MRRF: variants seen among roughly 807,000 people sequenced by gnomAD.
The protein encoded by MRRF is mitochondrial ribosome recycling factor.
MRRF carries 18 observed loss-of-function variants against 25.1 expected under a neutral mutation model. The observed-to-expected ratio is 0.72, with a 90% confidence interval of 0.50 to 1.06. The LOEUF (loss-of-function observed/expected upper bound fraction) is 1.06. MRRF is among the 50% of genes least tolerant of loss of function. The pLI, the probability that MRRF is intolerant of heterozygous loss-of-function variation, is 0.00. For synonymous variants in MRRF, 113 were observed against 112.1 expected (o/e 1.01, Z -0.05); for missense variants, 323 against 319.3 (o/e 1.01, Z -0.09).
intron 5 of MRRF, among the ~76,000 whole-genome samples, chr9:122,299,567 C>T (rs1207780663): frequency 2.0e-5 from 3 of 151,822 alleles, no homozygotes; most frequent in Non-Finnish European, 4.4e-5. Flanking sequence ...TAAAGGAGGC[C>T]ACGAAATTAG....
At chr9:122,303,824 C>T (rs903182331) in intron 5 of MRRF, among the ~76,000 whole-genome samples, 2 of 152,164 alleles carry the variant, frequency 1.3e-5, no homozygotes, top group African/African-American at 2.4e-5. Context: ...TTCCAAAGCC[C>T]GGGCTCTTGC....
Position 122,277,327 on chromosome 9 carries a change from G to A in MRRF, c.185-3116G>A, listed in dbSNP as rs1236686112. On this transcript the variant is annotated intron_variant, in intron 2 of 6. Transcript: ENST00000344641. ...AAAATCTTTTTTGTTTGATGATAAT[G>A]TAGCTACACCAGCCTTCTTTTGACT... is the stretch of plus-strand genomic sequence containing the variant. 3.3e-5 allele frequency among the ~76,000 whole-genome samples: 5 copies of A among 152,070 alleles called. No individual in the cohort carries two copies. In the South Asian group the frequency reaches 6.2e-4, roughly 19 times the overall value.
Position 122,325,052 on chromosome 9 carries a change from T to C in MRRF, c.*2435T>C, listed in dbSNP as rs1229559511. On this transcript the variant is annotated 3_prime_UTR_variant, in exon 7 of 7. Transcript: ENST00000344641. ...TCACTGCAAATGTGCTTCTCAAAGA[T>C]GCAGGATTTTTTAATAAACAGAGGA... 2 of 152,224 alleles carry C rather than the reference T, an allele frequency of 1.3e-5. No homozygotes were observed. The highest frequency in any genetic ancestry group is 2.9e-5 in the Non-Finnish European group (2 of 68,036). The allele number at this position is 152,224 out of a possible 1,614,324, so 9.4% of individuals were successfully genotyped here.
At chr9:122,299,218 C>T (rs1834282011) in intron 5 of MRRF, among the ~76,000 whole-genome samples, 1 of 151,594 alleles carries the variant, frequency 6.6e-6, no homozygotes, top group Admixed American at 6.6e-5. Context: ...TGGTGAAACC[C>T]TGTCTCCACT....
intron 6 of MRRF, among the ~76,000 whole-genome samples, chr9:122,313,687 A>G (rs898373459): frequency 6.6e-6 from 1 of 152,182 alleles, no homozygotes; most frequent in Middle Eastern, 3.2e-3. Flanking sequence ...GGCAAGTTAA[A>G]TAACTTGCCC....
rs1338982038 is a variant in MRRF, at chr9:122,330,198, CA to C, written c.*7585del. 5 of 152,518 alleles carry C rather than the reference CA, an allele frequency of 3.3e-5. No individual in the cohort carries two copies. The East Asian group carries it at 9.6e-4, about 29-fold the overall frequency. 9.4% of individuals were successfully genotyped at this position (152,518 alleles called of 1,614,324 possible). ...CTACTGGGAGTGTTAGTGTCTGTGA[CA>C]AAAGTGCTGGTTGCTGGGCTGAGGG... On this transcript the variant is annotated 3_prime_UTR_variant, in exon 7 of 7. Transcript: ENST00000344641. The surrounding 1 kb of genome is among the most constrained non-coding windows in gnomAD (Gnocchi z 4.2).
chr9:122,293,141 G>A (rs935201524), intron 5 of MRRF, among the ~76,000 whole-genome samples: 2 of 152,074 alleles, frequency 1.3e-5, no homozygotes, highest in African/African-American at 4.8e-5. Context: ...GAGATTTGGG[G>A]CTTTTATTAT....
intron 6 of MRRF, among the ~76,000 whole-genome samples, chr9:122,316,656 G>A (rs1226525541): frequency 6.6e-6 from 1 of 152,096 alleles, no homozygotes; most frequent in East Asian, 1.9e-4. Flanking sequence ...TATAAAACAA[G>A]GTTATGGCTG....
intron 1 of MRRF, chr9:122,265,871 A>G (rs1313023133): frequency 3.0e-6 from 2 of 675,970 alleles, no homozygotes; most frequent in Admixed American, 2.3e-5. Flanking sequence ...TGGCCGTGCC[A>G]GGTGCATAAT....
intron 5 of MRRF, among the ~76,000 whole-genome samples, chr9:122,309,187 G>A (rs1008908089): frequency 1.3e-5 from 2 of 152,030 alleles, no homozygotes; most frequent in Non-Finnish European, 2.9e-5. Context: ...TGTTTTTTAT[G>A]CTAACTGTTT....
At chr9:122,305,351 G>A (rs1241152080) in intron 5 of MRRF, among the ~76,000 whole-genome samples, 3 of 150,440 alleles carry the variant, frequency 2.0e-5, no homozygotes, top group Non-Finnish European at 4.4e-5. Flanking sequence ...GCAGAGGTTT[G>A]CAGTGAGCCG....
chr9:122,274,534 G>GT (rs1491159793), intron 2 of MRRF, among the ~76,000 whole-genome samples: 8 of 986 alleles, frequency 8.1e-3, no homozygotes, highest in Admixed American at 0.042. Context: ...TATGAATCTG[G>GT]TGTGTGTGTG....
chr9:122,308,096 G>A (rs922152539), intron 5 of MRRF, among the ~76,000 whole-genome samples: 1 of 152,168 alleles, frequency 6.6e-6, no homozygotes, highest in Non-Finnish European at 1.5e-5. Flanking sequence ...TGGAAGATCT[G>A]CCTGGTGGAG....
chr9:122,279,151 A>G (rs1818670656), intron 2 of MRRF, among the ~76,000 whole-genome samples: 2 of 152,356 alleles, frequency 1.3e-5, no homozygotes, highest in Non-Finnish European at 1.5e-5. Flanking sequence ...GATTATAGGC[A>G]TGAGCCACTG....
intron 5 of MRRF, among the ~76,000 whole-genome samples, chr9:122,299,290 T>A (rs1298675968): frequency 6.6e-6 from 1 of 151,558 alleles, no homozygotes; most frequent in Non-Finnish European, 1.5e-5. Context: ...AAGGCTGGGA[T>A]TTTTAGTAGA....
intron 2 of MRRF, among the ~76,000 whole-genome samples, chr9:122,278,604 C>G (rs1832914289): frequency 6.6e-6 from 1 of 152,114 alleles, no homozygotes; most frequent in Non-Finnish European, 1.5e-5. Flanking sequence ...ATAAATATTA[C>G]TATTCATTCC....
intron 5 of MRRF, among the ~76,000 whole-genome samples, chr9:122,296,242 G>T (rs547077728): frequency 6.6e-6 from 1 of 152,126 alleles, no homozygotes; most frequent in Non-Finnish European, 1.5e-5. Context: ...GCTTTTGTTT[G>T]CTTCTCTGGC....
chr9:122,301,773 G>T (rs554010670), intron 5 of MRRF, among the ~76,000 whole-genome samples: 12 of 149,808 alleles, frequency 8.0e-5, no homozygotes, highest in Admixed American at 2.7e-4. Context: ...TCTCTCTGTT[G>T]CCCAGGCTGG....
At chr9:122,313,048 A>G (rs1017289405) in intron 5 of MRRF, among the ~76,000 whole-genome samples, 179 bp from the exon 6 acceptor site, 6 of 152,200 alleles carry the variant, frequency 3.9e-5, no homozygotes, top group Non-Finnish European at 8.8e-5. Context: ...CAGTTTGCCC[A>G]TGTTTGGGCA....
Sources: gnomAD v4.1 joint callset for allele counts (sites outside exome capture counted in the v4.1 genomes callset) on GRCh38, gnomAD v4.1.1 for gene constraint, Gnocchi (gnomAD v3.1) non-coding constraint, MANE v1.5 for transcripts, NCBI Gene and HGNC (gene_info 2026-07-23, HGNC 2026-07-21) for gene names.